Variants in PRKCE observed in about 807,000 individuals in gnomAD.
The protein encoded by PRKCE is protein kinase C epsilon type.
A neutral mutation model predicts 85.4 loss-of-function variants in PRKCE; 16 were observed. That is an observed-to-expected ratio of 0.19 (90% CI 0.13 to 0.28). PRKCE has a LOEUF of 0.28. PRKCE is among the 10% of genes least tolerant of loss of function. The pLI is 1.00. For synonymous variants in PRKCE, 388 were observed against 371.5 expected, an observed-to-expected ratio of 1.04 and a Z score of -0.51; for missense variants, 573 against 975.2, an observed-to-expected ratio of 0.59 and a Z score of 5.49.
chr2:45,676,914 C>T (rs1217556615), intron 1 of PRKCE: 1 of 152,184 alleles, frequency 6.6e-6, no homozygotes, highest in Non-Finnish European at 1.5e-5. Flanking sequence ...TCAGAGGGCT[C>T]ATGCTCCAAT....
At chr2:45,946,668 A>G (rs528655414) in intron 2 of PRKCE, among the ~76,000 whole-genome samples, 11 of 152,310 alleles carry the variant, frequency 7.2e-5, no homozygotes, top group African/African-American at 2.4e-4. Context: ...GAGGAGGTGA[A>G]TTAAAAGCCA....
At chr2:45,937,747 T>C (rs929881308) in intron 2 of PRKCE, among the ~76,000 whole-genome samples, 5 of 151,950 alleles carry the variant, frequency 3.3e-5, no homozygotes, top group Admixed American at 2.0e-4. Flanking sequence ...AACTTGTAGG[T>C]ATATATCATC....
chr2:45,977,638 TAAA>T (rs5830884), intron 3 of PRKCE, among the ~76,000 whole-genome samples: 2 of 142,508 alleles, frequency 1.4e-5, no homozygotes, highest in African/African-American at 2.6e-5. Flanking sequence ...GACTCTGTCT[TAAA>T]AAAAAAAAAA....
chr2:45,683,263 G>A (rs73926031), intron 1 of PRKCE, among the ~76,000 whole-genome samples: 3,348 of 152,292 alleles, frequency 0.022, 123 homozygotes, highest in African/African-American at 0.075. Flanking sequence ...CAGTGCCAGG[G>A]CAGGCTAGCT....
At chr2:46,140,836 A>G (rs1675443320) in intron 11 of PRKCE, among the ~76,000 whole-genome samples, 1 of 152,176 alleles carries the variant, frequency 6.6e-6, no homozygotes, top group South Asian at 2.1e-4. Context: ...AAAAATCGAT[A>G]AAAAACAAAC....
At chr2:45,949,264 C>A (rs6750700) in intron 2 of PRKCE, among the ~76,000 whole-genome samples, 110,481 of 152,150 alleles carry the variant, frequency 0.73, 40,726 homozygotes, top group Middle Eastern at 0.85. Context: ...CCTTACTAAC[C>A]CTTTAATGTC....
rs866377035 is a variant in PRKCE, at chr2:45,942,887, A to G, written c.413-33542A>G. 3.3e-5 allele frequency among the ~76,000 whole-genome samples: 5 copies of G among 152,354 alleles called. No individual in the cohort carries two copies. In the South Asian group the frequency reaches 8.3e-4, roughly 25 times the overall value. Reference sequence around the variant, plus strand: ...AGTGGAAATATGCTTACAGTAAAACATTTAACAGTAACAGTGCTTTAAAAG... The same window carrying G: ...AGTGGAAATATGCTTACAGTAAAACGTTTAACAGTAACAGTGCTTTAAAAG... On this transcript the variant is annotated intron_variant, in intron 2 of 14. Transcript: ENST00000306156.
chr2:46,074,398 G>T (rs1261303570), intron 10 of PRKCE, among the ~76,000 whole-genome samples: 1 of 94,774 alleles, frequency 1.1e-5, no homozygotes, highest in African/African-American at 4.0e-5. Context: ...GTAGAATTAA[G>T]CAAGCAAACA....
intron 10 of PRKCE, among the ~76,000 whole-genome samples, chr2:46,013,907 C>T (rs148883899): frequency 3.3e-5 from 5 of 152,274 alleles, no homozygotes; most frequent in African/African-American, 1.2e-4. Context: ...AGTGATGTCA[C>T]CATATCTAAT....
chr2:45,966,704 C>T (rs1374011303), intron 2 of PRKCE, among the ~76,000 whole-genome samples: 1 of 152,150 alleles, frequency 6.6e-6, no homozygotes, highest in Non-Finnish European at 1.5e-5. Context: ...TTGCCCAGCC[C>T]AGTCTTTCTG....
chr2:46,056,791 C>T (rs969700377), intron 10 of PRKCE, among the ~76,000 whole-genome samples: 8 of 152,152 alleles, frequency 5.3e-5, no homozygotes, highest in African/African-American at 1.9e-4. Context: ...TCAAACTTTT[C>T]TTTTTTTAAG....
chr2:45,825,039 C>T (rs1229119377), intron 1 of PRKCE, among the ~76,000 whole-genome samples: 2 of 152,168 alleles, frequency 1.3e-5, no homozygotes, highest in Middle Eastern at 3.2e-3. Context: ...AGAAATGAGA[C>T]TGCCTTTTTG....
At chr2:45,683,754 G>A (rs981601989) in intron 1 of PRKCE, among the ~76,000 whole-genome samples, 2 of 152,120 alleles carry the variant, frequency 1.3e-5, no homozygotes, top group African/African-American at 2.4e-5. Flanking sequence ...CAAGATAAAC[G>A]GTCCCAGGCA....
chr2:46,043,364 T>G, intron 10 of PRKCE, among the ~76,000 whole-genome samples: 1 of 152,212 alleles, frequency 6.6e-6, no homozygotes, highest in East Asian at 1.9e-4. Flanking sequence ...ACAAACAACT[T>G]TCATTCCAGC....
intron 11 of PRKCE, among the ~76,000 whole-genome samples, chr2:46,110,292 C>T (rs1362463184): frequency 3.3e-5 from 5 of 152,104 alleles, no homozygotes; most frequent in Non-Finnish European, 5.9e-5. Context: ...GTGTTTGGTA[C>T]AATTCACCAG....
In PRKCE at chr2:46,151,241, C is replaced by T; in HGVS notation, c.1920+12C>T. The T allele has an allele frequency of 6.3e-7, 1 of 1,590,574 alleles. No individual in the cohort carries two copies. The highest frequency in any genetic ancestry group is 8.5e-7 in the Non-Finnish European group (1 of 1,174,230). On this transcript the variant is annotated intron_variant, in intron 13 of 14. Coordinates refer to ENST00000306156, the MANE Select transcript of PRKCE (RefSeq NM_005400.3). ...GCATCTTGAAAGCTGTGAGTCACTG[C>T]CCCTCACCCATGGCTGTGCTCTCCT...
At chr2:45,787,191 G>A (rs1286996194) in intron 1 of PRKCE, among the ~76,000 whole-genome samples, 2 of 152,254 alleles carry the variant, frequency 1.3e-5, no homozygotes, top group African/African-American at 2.4e-5. Flanking sequence ...TTCTCAACAG[G>A]AGCTGGTGAT....
rs71911463 is a variant in PRKCE at position 45,744,527 on chromosome 2, T to TC, written c.348+92079_348+92080insC. On this transcript the variant is annotated intron_variant, in intron 1 of 14. Transcript: ENST00000306156. ...TTCTTTCTTTCTTTCTTTCTTTCTTTTTCTTTCCTTCTTTCTTTCTTTCTT... is the reference window on the plus strand; with the variant it reads ...TTCTTTCTTTCTTTCTTTCTTTCTTTCTTCTTTCCTTCTTTCTTTCTTTCTT... Among the ~76,000 whole-genome samples the TC allele has an allele frequency of 1.0e-3, 32 of 31,910 alleles. 1 individual carries two copies. The highest frequency in any genetic ancestry group is 4.6e-3 in the African/African-American group (32 of 6,908). 20.9% of individuals were successfully genotyped at this position (31,910 alleles called of 152,430 possible). A position where few individuals can be genotyped will look rare whatever the true frequency, so the allele number is the denominator to read the frequency against.
rs150570566 is a variant in PRKCE at position 45,853,674 on chromosome 2, T to G, written c.412+10611T>G. Among the ~76,000 whole-genome samples the G allele has an allele frequency of 1.1e-3, 168 of 152,296 alleles. 1 individual carries two copies. Among genetic ancestry groups the G allele is most frequent in the African/African-American group, 3.8e-3 (159 of 41,560 alleles). ...CTGGATAAATGAATGCATGACTAAA[T>G]GAAAATAACAGGAAAAACTGTCACT... is the stretch of plus-strand genomic sequence containing the variant. On this transcript the variant is annotated intron_variant, in intron 2 of 14. Transcript: ENST00000306156.
Sources: gnomAD v4.1 joint callset for allele counts (sites outside exome capture counted in the v4.1 genomes callset) on GRCh38, gnomAD v4.1.1 for gene constraint, MANE v1.5 for transcripts, NCBI Gene and HGNC (gene_info 2026-07-23, HGNC 2026-07-21) for gene names.